The following MAP3K19 variants were observed in gnomAD, a reference collection of about 807,000 sequenced individuals.
MAP3K19 encodes the protein SPS1/STE20-related protein kinase YSK4.
A neutral mutation model predicts 114.4 loss-of-function variants in MAP3K19; 91 were observed. The ratio of observed to expected loss-of-function variants is 0.80; its 90% CI spans 0.67 to 0.95. The LOEUF is 0.95. Ranked by LOEUF, MAP3K19 falls within the 40% of genes least tolerant of loss-of-function variation. The pLI is 0.00. For synonymous variants in MAP3K19, 518 were observed against 530.5 expected (o/e 0.98, Z 0.32); for missense variants, 1,471 against 1,573.2 (o/e 0.94, Z 1.10).
intron 9 of MAP3K19, among the ~76,000 whole-genome samples, chr2:134,989,446 T>C (rs776043885): frequency 6.6e-6 from 1 of 152,096 alleles, no homozygotes; most frequent in South Asian, 2.1e-4. Flanking sequence ...TAAAAGTAGA[T>C]GAGATGTAGT....
At chr2:135,036,642 TGTG>T (rs1226943491) in intron 2 of MAP3K19, among the ~76,000 whole-genome samples, 3 of 51,972 alleles carry the variant, frequency 5.8e-5, no homozygotes, top group African/African-American at 3.9e-4. Flanking sequence ...ACATTATGTG[TGTG>T]TGTGTGTGTG....
chr2:135,021,909 T>C (rs1005084506), intron 4 of MAP3K19, 79 bp from the exon 5 acceptor site: 1 of 802,856 alleles, frequency 1.2e-6, no homozygotes, highest in African/African-American at 1.8e-5. Context: ...CTCTATGTTC[T>C]AAAATCAGCT....
At chr2:134,993,551 T>C (rs995022809) in intron 8 of MAP3K19, among the ~76,000 whole-genome samples, 2 of 152,162 alleles carry the variant, frequency 1.3e-5, no homozygotes, top group South Asian at 2.1e-4. Context: ...ATTCTAGAGG[T>C]TGAGGTTTTC....
At position 134,999,319 on chromosome 2, in the gene MAP3K19, C is replaced by T. The variant is rs373884814; in HGVS notation, c.315-322G>A. Among the ~76,000 whole-genome samples, 37 of 152,260 alleles carry T rather than the reference C, an allele frequency of 2.4e-4. No homozygotes were observed. The highest frequency in any genetic ancestry group is 1.7e-3 in the East Asian group (9 of 5,184). ...ACCCTTTTATCTCCACAGGTACTGACTAGCCCAGTGTTTCTCAAACTATTT... is the reference window on the plus strand; with the variant it reads ...ACCCTTTTATCTCCACAGGTACTGATTAGCCCAGTGTTTCTCAAACTATTT... On this transcript the variant is annotated intron_variant, in intron 7 of 12. Coordinates refer to ENST00000392915, the MANE Select transcript of MAP3K19 (RefSeq NM_025052.5). The surrounding 1 kb of genome is among the most constrained non-coding windows in gnomAD (Gnocchi z 4.1).
intron 10 of MAP3K19, among the ~76,000 whole-genome samples, chr2:134,984,706 A>G (rs905952353): frequency 2.0e-5 from 3 of 152,154 alleles, no homozygotes; most frequent in Non-Finnish European, 4.4e-5. Context: ...TAATCCCAGC[A>G]CTTTGGGAGG....
At chr2:135,035,321 C>T (rs1457119366) in intron 2 of MAP3K19, among the ~76,000 whole-genome samples, 1 of 152,124 alleles carries the variant, frequency 6.6e-6, no homozygotes, top group African/African-American at 2.4e-5. Context: ...CACCTCAGCC[C>T]AGGAGGTAGG....
intron 2 of MAP3K19, among the ~76,000 whole-genome samples, chr2:135,038,857 C>CA (rs879886378): frequency 8.4e-4 from 112 of 132,802 alleles, no homozygotes; most frequent in African/African-American, 1.3e-3. Context: ...GACTCCATCT[C>CA]AAAAAAAAAA....
At chr2:135,018,456 C>T (rs955196948) in intron 5 of MAP3K19, among the ~76,000 whole-genome samples, 1 of 152,062 alleles carries the variant, frequency 6.6e-6, no homozygotes, top group Non-Finnish European at 1.5e-5. Context: ...CCTGCCTCAG[C>T]CTCCTGAGTA....
At chr2:134,990,053 A>G (rs1420154926) in intron 9 of MAP3K19, among the ~76,000 whole-genome samples, 1 of 151,948 alleles carries the variant, frequency 6.6e-6, no homozygotes, top group Non-Finnish European at 1.5e-5. Flanking sequence ...ACTGCACTCC[A>G]GCCTGGGCAA....
chr2:134,993,658 G>A (rs879423090), intron 8 of MAP3K19, among the ~76,000 whole-genome samples: 7 of 152,112 alleles, frequency 4.6e-5, no homozygotes, highest in East Asian at 1.9e-4. Context: ...TTAAAAAAAC[G>A]CTTTCAAGTA....
At chr2:135,021,463 C>G (rs1039303764) in intron 5 of MAP3K19, among the ~76,000 whole-genome samples, 1 of 144,338 alleles carries the variant, frequency 6.9e-6, no homozygotes, top group African/African-American at 2.7e-5. Flanking sequence ...CTGACTAAGA[C>G]ACACACACAT....
Position 134,991,586 on chromosome 2 carries a change from A to G in MAP3K19, c.575-6T>C. The G allele has an allele frequency of 6.2e-7, 1 of 1,610,884 alleles. No homozygotes were observed. The stretch of plus-strand genomic sequence containing the variant: ...CATATGAGAGGTCGAAAACTCTACA[A>G]CAAGAAAAACAATAACTGGATATTC... On this transcript the variant is annotated splice_polypyrimidine_tract_variant and splice_region_variant and intron_variant, in intron 8 of 12. Transcript: ENST00000392915.
At chr2:135,042,494 T>A in intron 1 of MAP3K19, among the ~76,000 whole-genome samples, 1 of 132,250 alleles carries the variant, frequency 7.6e-6, no homozygotes. Context: ...AGAGCGAGAC[T>A]CTGTCTCAAA....
At chr2:134,985,671 G>T (rs1401976094) in intron 10 of MAP3K19, 129 bp downstream of exon 10, 2 of 818,498 alleles carry the variant, frequency 2.4e-6, no homozygotes, top group Non-Finnish European at 3.6e-6. Flanking sequence ...TGATCAAACA[G>T]TGAGACCTTG....
intron 3 of MAP3K19, among the ~76,000 whole-genome samples, chr2:135,029,330 C>T (rs758406143): frequency 3.9e-4 from 60 of 151,960 alleles, no homozygotes; most frequent in African/African-American, 1.3e-3. Flanking sequence ...GAGCCGAGAT[C>T]GCGCCACTGC....
rs542736764 is a variant in MAP3K19, at chr2:135,036,800, A to G, written c.-284+3563T>C. ...AGAAGTTGCCAGAGAGGTAAGAAGA[A>G]AAACCAGGAGGAGGTCAAGGAAGAA... On this transcript the variant is annotated intron_variant, in intron 2 of 12. Transcript: ENST00000392915. Among the ~76,000 whole-genome samples the G allele has an allele frequency of 2.0e-5, 3 of 152,154 alleles. No homozygotes were observed. The East Asian group carries it at 5.8e-4, about 29-fold the overall frequency.
At chr2:134,984,583 A>T (rs1684956739) in intron 10 of MAP3K19, among the ~76,000 whole-genome samples, 1 of 152,230 alleles carries the variant, frequency 6.6e-6, no homozygotes, top group African/African-American at 2.4e-5. Flanking sequence ...TCAGACTAGT[A>T]TCTCTAGCAA....
intron 3 of MAP3K19, among the ~76,000 whole-genome samples, chr2:135,028,763 T>G (rs150605307): frequency 7.2e-5 from 11 of 152,278 alleles, no homozygotes; most frequent in African/African-American, 2.6e-4. Flanking sequence ...CCATCTCTAT[T>G]TCACTTTATG....
In MAP3K19 at chr2:134,981,151, G is replaced by A. The variant is rs1684625406; in HGVS notation, c.3590C>T (p.Thr1197Ile). 3 of 1,614,132 alleles carry A rather than the reference G, an allele frequency of 1.9e-6. No individual in the cohort carries two copies. Among genetic ancestry groups the A allele is most frequent in the Non-Finnish European group, 8.5e-7 (1 of 1,180,052 alleles). The change falls in exon 12 of 13, where the codon ACT (threonine) becomes ATT (isoleucine). Residue 1197 changes from threonine (T) to isoleucine (I), a missense_variant. Coordinates refer to ENST00000392915, the MANE Select transcript of MAP3K19 (RefSeq NM_025052.5). ...IKGNNVMLMPTGIIKLIDFGC... is the reference protein window; with the variant it reads ...IKGNNVMLMPIGIIKLIDFGC... ...AAAGTCAATCAGCTTTATTATTCCA[G>A]TTGGCATGAGCATAACATTATTTCC...
Sources: allele counts gnomAD v4.1 joint callset (sites outside exome capture counted in the v4.1 genomes callset), GRCh38; gene constraint gnomAD v4.1.1; non-coding constraint Gnocchi (gnomAD v3.1); transcripts MANE v1.5; gene names NCBI Gene and HGNC (gene_info 2026-07-23, HGNC 2026-07-21).